DNMT3A: variants seen among roughly 807,000 people sequenced by gnomAD.
DNMT3A encodes DNA methyltransferase 3 alpha, also known as DNA (cytosine-5)-methyltransferase 3A.
A neutral mutation model predicts 117.6 loss-of-function variants in DNMT3A; 267 were observed. That is an observed-to-expected ratio of 2.27 (90% CI 2.05 to 2.51). The LOEUF is 2.51. Ranked by LOEUF, DNMT3A falls within the 30% of genes most tolerant of loss-of-function variation. The pLI is 0.00. For synonymous variants in DNMT3A, 432 were observed against 474.8 expected, an observed-to-expected ratio of 0.91 and a Z score of 1.17; for missense variants, 1,029 against 1,260.2, an observed-to-expected ratio of 0.82 and a Z score of 2.78.
chr2:25,243,769 T>G, intron 16 of DNMT3A, 129 bp downstream of exon 16: 2 of 1,058,748 alleles, frequency 1.9e-6, no homozygotes, highest in Non-Finnish European at 2.8e-6. Context: ...CACACAAGCT[T>G]CCCCTTTGGG....
intron 4 of DNMT3A, among the ~76,000 whole-genome samples, chr2:25,278,628 C>G (rs1558701491): frequency 6.6e-6 from 1 of 152,336 alleles, no homozygotes; most frequent in Non-Finnish European, 1.5e-5. Flanking sequence ...GAGTCCACGA[C>G]CAGCCTGGCC....
chr2:25,333,065 C>A (rs912223616), intron 1 of DNMT3A, among the ~76,000 whole-genome samples: 1 of 152,218 alleles, frequency 6.6e-6, no homozygotes, highest in African/African-American at 2.4e-5. Context: ...AAGGTACAGG[C>A]AAATCCTGGC....
chr2:25,255,756 T>C (rs909319707), intron 6 of DNMT3A, among the ~76,000 whole-genome samples: 14 of 152,228 alleles, frequency 9.2e-5, no homozygotes, highest in Non-Finnish European at 1.8e-4. Flanking sequence ...CTGTTATCAA[T>C]TGGTAAATCT....
rs1231584350 is a variant in DNMT3A at position 25,305,607 on chromosome 2, G to C, written c.73-5364C>G. Among the ~76,000 whole-genome samples the C allele has an allele frequency of 6.6e-6, 1 of 152,198 alleles. No homozygotes were observed. Among genetic ancestry groups the C allele is most frequent in the Non-Finnish European group, 1.5e-5 (1 of 68,040 alleles). On this transcript the variant is annotated intron_variant, in intron 2 of 22. Transcript: ENST00000321117. This position sits in a 1 kb window ranked among gnomAD's most constrained non-coding sequence, Gnocchi z 4.1. ...TTATCTGACTTGCAGGGATCAGAGA[G>C]CCAGGAAAGGAGGCCTTTAGAACCA...
intron 2 of DNMT3A, among the ~76,000 whole-genome samples, chr2:25,309,105 G>C (rs566568712): frequency 6.6e-6 from 1 of 152,192 alleles, no homozygotes; most frequent in African/African-American, 2.4e-5. Context: ...CAGAGGAGCT[G>C]CCCAGCAGGC....
intron 1 of DNMT3A, among the ~76,000 whole-genome samples, chr2:25,335,222 A>G (rs1415723406): frequency 1.3e-5 from 2 of 152,174 alleles, no homozygotes; most frequent in Non-Finnish European, 2.9e-5. Context: ...AAAGGCTTTT[A>G]GGGAATCTAA....
chr2:25,329,508 G>A (rs2034926830), intron 1 of DNMT3A, among the ~76,000 whole-genome samples: 1 of 152,064 alleles, frequency 6.6e-6, no homozygotes, highest in Non-Finnish European at 1.5e-5. Context: ...CTTCAGAGTG[G>A]CTTGTGCTCA....
rs371585170 is a variant in DNMT3A, at chr2:25,330,393, C to T, written c.-178+11433G>A. 4.4e-4 allele frequency among the ~76,000 whole-genome samples: 67 copies of T among 152,334 alleles called. No individual in the cohort carries two copies. In the East Asian group the frequency reaches 8.1e-3, roughly 18 times the overall value. On this transcript the variant is annotated intron_variant, in intron 1 of 22. Coordinates refer to ENST00000321117, the MANE Select transcript of DNMT3A (RefSeq NM_022552.5). Reference sequence around the variant, plus strand: ...AGCCAGAGACAGCCCGACTCCCACCCGGCCTTCTTGGCAGCATCAACAAGA... The same window carrying T: ...AGCCAGAGACAGCCCGACTCCCACCTGGCCTTCTTGGCAGCATCAACAAGA...
In DNMT3A at chr2:25,240,452, T is replaced by C. The variant is rs772010891; in HGVS notation, c.2174-2A>G. ...CAAAGAAGAGCCGGCCAGTGCCCTC[T>C]GAGAGGTCGGAAGAGAAAGCCATCA... On this transcript the variant is annotated splice_acceptor_variant, in intron 18 of 22. Transcript: ENST00000321117. LOFTEE classifies it high-confidence loss of function. The C allele has an allele frequency of 2.5e-6, 4 of 1,603,074 alleles. No individual in the cohort carries two copies. The highest frequency in any genetic ancestry group is 1.1e-5 in the South Asian group (1 of 88,862).
In DNMT3A at chr2:25,242,413, A is replaced by G. The variant is rs114656376; in HGVS notation, c.1937-706T>C. Among the ~76,000 whole-genome samples, 637 of 152,298 alleles carry G rather than the reference A, an allele frequency of 4.2e-3. 7 individuals carry two copies. Among genetic ancestry groups the G allele is most frequent in the African/African-American group, 0.015 (620 of 41,556 alleles). On this transcript the variant is annotated intron_variant, in intron 16 of 22. Transcript: ENST00000321117. ...ATCCCGAGAGGGTCTCGGGAGAAAC[A>G]GGGTACGGCACTGTTTCTGCTGCTC...
In DNMT3A at chr2:25,230,494, G is replaced by A. The variant is rs959653777; in HGVS notation, c.*3785C>T. 2.6e-5 allele frequency: 4 copies of A among 152,164 alleles called. No homozygotes were observed. The highest frequency in any genetic ancestry group is 1.3e-4 in the Admixed American group (2 of 15,286). The allele number at this position is 152,164 out of a possible 1,614,324, so 9.4% of individuals were successfully genotyped here. A position where few individuals can be genotyped will look rare whatever the true frequency, so the allele number is the denominator to read the frequency against. On this transcript the variant is annotated 3_prime_UTR_variant, in exon 23 of 23. Coordinates refer to ENST00000321117, the MANE Select transcript of DNMT3A (RefSeq NM_022552.5). ...TAAGGGGGAAATGGGCCTACTCTTC[G>A]GAAAGAAAATTCCACAGGGAATATG...
At position 25,337,072 on chromosome 2, in the gene DNMT3A, T is replaced by C. The variant is rs1481064301; in HGVS notation, c.-178+4754A>G. On this transcript the variant is annotated intron_variant, in intron 1 of 22. Coordinates refer to ENST00000321117, the MANE Select transcript of DNMT3A (RefSeq NM_022552.5). This position sits in a 1 kb window ranked among gnomAD's most constrained non-coding sequence, Gnocchi z 5.0. ...AAATGCTCAGCACATCTCTGGAAAATGGAAGCGAATACGGTGGGAAAGTGC... is the reference window on the plus strand; with the variant it reads ...AAATGCTCAGCACATCTCTGGAAAACGGAAGCGAATACGGTGGGAAAGTGC... Among the ~76,000 whole-genome samples the C allele has an allele frequency of 6.6e-6, 1 of 151,986 alleles. No individual in the cohort carries two copies. Among genetic ancestry groups the C allele is most frequent in the African/African-American group, 2.4e-5 (1 of 41,352 alleles).
At chr2:25,318,877 T>C (rs556349814) in intron 1 of DNMT3A, among the ~76,000 whole-genome samples, 5 of 148,452 alleles carry the variant, frequency 3.4e-5, no homozygotes, top group Admixed American at 6.7e-5. Context: ...TTTTTTCTAT[T>C]TTTAGTAGAG....
chr2:25,250,132 T>C (rs1675331140), intron 6 of DNMT3A, among the ~76,000 whole-genome samples: 1 of 152,182 alleles, frequency 6.6e-6, no homozygotes, highest in African/African-American at 2.4e-5. Flanking sequence ...CTGGTGTATA[T>C]ATGGACCAAT....
At chr2:25,309,981 G>A (rs1303397156) in intron 2 of DNMT3A, among the ~76,000 whole-genome samples, 2 of 152,130 alleles carry the variant, frequency 1.3e-5, no homozygotes, top group South Asian at 2.1e-4. Context: ...GCGTGAACCC[G>A]GGAGGCAGAG....
At chr2:25,249,060 C>A (rs1354107186) in intron 6 of DNMT3A, among the ~76,000 whole-genome samples, 1 of 152,172 alleles carries the variant, frequency 6.6e-6, no homozygotes, top group East Asian at 1.9e-4. Context: ...ATTAATCAGG[C>A]ACTATTGTTT....
At chr2:25,251,167 G>GC (rs1675501573) in intron 6 of DNMT3A, among the ~76,000 whole-genome samples, 1 of 136,550 alleles carries the variant, frequency 7.3e-6, no homozygotes, top group Admixed American at 7.2e-5. Flanking sequence ...GGGGGGGGTG[G>GC]GTGAGCAGCA....
intron 1 of DNMT3A, among the ~76,000 whole-genome samples, chr2:25,329,848 G>C (rs1280859636): frequency 6.6e-6 from 1 of 152,220 alleles, no homozygotes; most frequent in African/African-American, 2.4e-5. Context: ...CCTGGAGCCA[G>C]AGGATGCTGG....
rs2034844978 is a variant in DNMT3A at position 25,327,882 on chromosome 2, G to A, written c.-177-13721C>T. Among the ~76,000 whole-genome samples, 1 of 152,140 alleles carries A rather than the reference G, an allele frequency of 6.6e-6. No homozygotes were observed. The highest frequency in any genetic ancestry group is 6.6e-5 in the Admixed American group (1 of 15,264). ...AGTCCCAAACCCTGGAGAAAACTCA[G>A]GTCCCACCTTTCCCCTGGGTCCTCA... is the stretch of plus-strand genomic sequence containing the variant. On this transcript the variant is annotated intron_variant, in intron 1 of 22. Transcript: ENST00000321117. This position sits in a 1 kb window ranked among gnomAD's most constrained non-coding sequence, Gnocchi z 4.1.
Sources: allele counts gnomAD v4.1 joint callset (sites outside exome capture counted in the v4.1 genomes callset), GRCh38; gene constraint gnomAD v4.1.1; non-coding constraint Gnocchi (gnomAD v3.1); transcripts MANE v1.5; gene names NCBI Gene and HGNC (gene_info 2026-07-23, HGNC 2026-07-21).